The following COMMD1 variants were observed in gnomAD, a reference collection of about 807,000 sequenced individuals.
The protein encoded by COMMD1 is copper metabolism domain containing 1.
In COMMD1, 10 loss-of-function variants were observed where a neutral mutation model predicts 17.2. The ratio of observed to expected loss-of-function variants is 0.58; its 90% confidence interval spans 0.36 to 0.99. The LOEUF (loss-of-function observed/expected upper bound fraction) is 0.99, where lower values mean the gene tolerates loss of function less well. Among genes scored for constraint, COMMD1 ranks in the 50% least tolerant of loss-of-function variants. The pLI, the probability that COMMD1 is intolerant of heterozygous loss-of-function variation, is 0.01. For missense variants in COMMD1, 270 were observed against 231.8 expected (o/e 1.17, Z -1.07); for synonymous variants, 97 against 91.6 (o/e 1.06, Z -0.34).
chr2:62,057,968 G>T (rs578094352), intron 2 of COMMD1, among the ~76,000 whole-genome samples: 27 of 152,094 alleles, frequency 1.8e-4, no homozygotes, highest in African/African-American at 6.5e-4. Context: ...TGTGGCATTT[G>T]AGCATGGTTT....
chr2:62,020,862 G>A (rs1669593397), intron 2 of COMMD1, among the ~76,000 whole-genome samples: 1 of 152,110 alleles, frequency 6.6e-6, no homozygotes, highest in African/African-American at 2.4e-5. Context: ...AATTAGCCAG[G>A]CGTCATGGCG....
At chr2:61,913,476 G>A (rs1669964788) in intron 1 of COMMD1, among the ~76,000 whole-genome samples, 1 of 151,636 alleles carries the variant, frequency 6.6e-6, no homozygotes, top group Non-Finnish European at 1.5e-5. Context: ...AGGAGATCGA[G>A]ACCATCCTGG....
At chr2:62,058,338 G>C (rs1348972825) in intron 2 of COMMD1, among the ~76,000 whole-genome samples, 1 of 152,098 alleles carries the variant, frequency 6.6e-6, no homozygotes, top group Non-Finnish European at 1.5e-5. Context: ...ATCATAGTTA[G>C]AGATTTTTAA....
At chr2:61,987,293 C>G (rs1672130105) in intron 1 of COMMD1, among the ~76,000 whole-genome samples, 1 of 152,154 alleles carries the variant, frequency 6.6e-6, no homozygotes, top group Non-Finnish European at 1.5e-5. Flanking sequence ...TTATTATAGT[C>G]TTCACCATCT....
At chr2:62,034,221 G>T (rs967188008) in intron 2 of COMMD1, among the ~76,000 whole-genome samples, 1 of 152,016 alleles carries the variant, frequency 6.6e-6, no homozygotes, top group Admixed American at 6.6e-5. Context: ...AGTCACACTT[G>T]GCCGGGCATG....
At position 61,909,930 on chromosome 2, in the gene COMMD1, G is replaced by A. The variant is rs970491574; in HGVS notation, c.180+4072G>A. On this transcript the variant is annotated intron_variant, in intron 1 of 2. Transcript: ENST00000311832. ...CCCTTCCCTCTGACTTTCATGTTGT[G>A]TGCCAAGGTGTTATGTAGTGATTCC... 2.6e-5 allele frequency among the ~76,000 whole-genome samples: 4 copies of A among 152,146 alleles called. No individual in the cohort carries two copies. The East Asian group carries it at 7.7e-4, about 29-fold the overall frequency.
chr2:62,085,031 G>A (rs757168276), intron 2 of COMMD1, among the ~76,000 whole-genome samples: 22 of 152,150 alleles, frequency 1.4e-4, no homozygotes, highest in Non-Finnish European at 1.8e-4. Flanking sequence ...ATGGCCCTCT[G>A]AAGTGAGCAG....
At chr2:62,025,960 G>A (rs1445052539) in intron 2 of COMMD1, among the ~76,000 whole-genome samples, 2 of 152,058 alleles carry the variant, frequency 1.3e-5, no homozygotes, top group East Asian at 3.9e-4. Context: ...TCCCAAAGTG[G>A]TGGGATTACG....
intron 1 of COMMD1, among the ~76,000 whole-genome samples, chr2:61,914,120 G>T (rs1341413423): frequency 6.8e-6 from 1 of 148,042 alleles, no homozygotes; most frequent in South Asian, 2.2e-4. Context: ...TGCAGTGAGC[G>T]GAGATTGCGC....
At chr2:61,983,892 T>C (rs1263741192) in intron 1 of COMMD1, among the ~76,000 whole-genome samples, 1 of 152,236 alleles carries the variant, frequency 6.6e-6, no homozygotes, top group East Asian at 1.9e-4. Context: ...GGTTTGCTCT[T>C]GTTTTTCTAA....
intron 2 of COMMD1, among the ~76,000 whole-genome samples, chr2:62,103,955 C>G (rs1171552887): frequency 1.3e-5 from 2 of 152,090 alleles, no homozygotes; most frequent in African/African-American, 4.8e-5. Context: ...ATTCTCCCAC[C>G]TCAGCCTCCC....
At chr2:61,904,730 A>C (rs1368033215), upstream of COMMD1, among the ~76,000 whole-genome samples, 1 of 152,238 alleles carries the variant, frequency 6.6e-6, no homozygotes, top group African/African-American at 2.4e-5. Context: ...CTAATCTTTT[A>C]AAGTGTACAA....
At chr2:62,045,191 G>A (rs2103905226) in intron 2 of COMMD1, among the ~76,000 whole-genome samples, 1 of 152,302 alleles carries the variant, frequency 6.6e-6, no homozygotes. Flanking sequence ...TCACAGGGGT[G>A]TGGAAAAACT....
At chr2:62,086,466 G>A (rs189453586) in intron 2 of COMMD1, among the ~76,000 whole-genome samples, 1 of 148,774 alleles carries the variant, frequency 6.7e-6, no homozygotes, top group African/African-American at 2.5e-5. Flanking sequence ...AGCAGAGATC[G>A]CGCCACTGCA....
intron 2 of COMMD1, among the ~76,000 whole-genome samples, chr2:62,123,512 T>TAAA: frequency 1.3e-5 from 1 of 74,604 alleles, no homozygotes; most frequent in Non-Finnish European, 2.8e-5. Flanking sequence ...AAAAAAAAAT[T>TAAA]AAAAAAAAAG....
At chr2:61,977,267 A>T (rs1433069997) in intron 1 of COMMD1, among the ~76,000 whole-genome samples, 2 of 106,630 alleles carry the variant, frequency 1.9e-5, no homozygotes, top group African/African-American at 7.7e-5. Context: ...TTTTTTTGAG[A>T]CAGTTTCACT....
chr2:62,006,823 A>G (rs948298228), intron 2 of COMMD1, among the ~76,000 whole-genome samples: 1 of 152,202 alleles, frequency 6.6e-6, no homozygotes, highest in Non-Finnish European at 1.5e-5. Flanking sequence ...AGATTATGAT[A>G]GAAGTGTTTT....
chr2:61,917,706 C>T (rs984637063), intron 1 of COMMD1, among the ~76,000 whole-genome samples: 2 of 152,020 alleles, frequency 1.3e-5, no homozygotes, highest in South Asian at 4.1e-4. Flanking sequence ...TTTGTTTTTG[C>T]ATTTTTAGTA....
intron 1 of COMMD1, among the ~76,000 whole-genome samples, chr2:61,948,472 A>C (rs184696052): frequency 2.4e-4 from 36 of 152,332 alleles, no homozygotes; most frequent in Non-Finnish European, 2.2e-4. Context: ...GGGTAATACC[A>C]TCTGGAGGTA....
Sources: allele counts gnomAD v4.1 joint callset (sites outside exome capture counted in the v4.1 genomes callset), GRCh38; gene constraint gnomAD v4.1.1; transcripts MANE v1.5; gene names NCBI Gene and HGNC (gene_info 2026-07-23, HGNC 2026-07-21).